Variants in KLHL22 observed in about 807,000 individuals in gnomAD.
KLHL22 encodes kelch like family member 22.
A neutral mutation model predicts 60.7 loss-of-function variants in KLHL22; 18 were observed. The observed-to-expected ratio is 0.30, with a 90% CI of 0.20 to 0.44. The LOEUF is 0.44. Among genes scored for constraint, KLHL22 ranks in the 20% least tolerant of loss-of-function variants. The probability of loss-of-function intolerance (pLI) is 1.00; values close to 1 mark genes in which losing one functional copy is unlikely to be tolerated. For missense variants in KLHL22, 596 were observed against 852.3 expected, an observed-to-expected ratio of 0.70 and a Z score of 3.74; for synonymous variants, 355 against 354.5, an observed-to-expected ratio of 1.00 and a Z score of -0.01.
chr22:20,459,838 C>T (rs1166382277), intron 4 of KLHL22, among the ~76,000 whole-genome samples: 1 of 152,202 alleles, frequency 6.6e-6, no homozygotes, highest in Non-Finnish European at 1.5e-5. Context: ...AGAATGGAAA[C>T]AGGCTAACCA....
At chr22:20,453,656 C>T (rs2053015304) in intron 5 of KLHL22, among the ~76,000 whole-genome samples, 2 of 152,122 alleles carry the variant, frequency 1.3e-5, no homozygotes, top group Non-Finnish European at 2.9e-5. Context: ...ATATACATTT[C>T]AGAATAATCT....
intron 5 of KLHL22, among the ~76,000 whole-genome samples, chr22:20,455,868 C>T (rs989218609): frequency 2.6e-5 from 4 of 152,172 alleles, no homozygotes; most frequent in African/African-American, 7.2e-5. Flanking sequence ...CACCTCTTCC[C>T]GCCCATTTAT....
intron 5 of KLHL22, chr22:20,451,678 A>G: frequency 1.9e-6 from 3 of 1,604,736 alleles, no homozygotes; most frequent in Non-Finnish European, 2.6e-6. Flanking sequence ...GCTTCGGGGG[A>G]GACTCTATGC....
intron 3 of KLHL22, among the ~76,000 whole-genome samples, chr22:20,470,627 CAA>C (rs967718109): frequency 2.0e-5 from 3 of 152,202 alleles, no homozygotes; most frequent in African/African-American, 4.8e-5. Context: ...CCAGCCTGGG[CAA>C]GAGAGAGAGA....
At chr22:20,470,786 AGATGGATG>A (rs361774) in intron 3 of KLHL22, among the ~76,000 whole-genome samples, 64 of 137,762 alleles carry the variant, frequency 4.6e-4, no homozygotes, top group Middle Eastern at 7.5e-3. Flanking sequence ...ATGGATGGAT[AGATGGATG>A]GATGGATGGA....
chr22:20,452,853 T>A (rs2053001482), intron 5 of KLHL22, among the ~76,000 whole-genome samples: 1 of 152,252 alleles, frequency 6.6e-6, no homozygotes. Flanking sequence ...ACTGCCCCAT[T>A]CTTTTAGAAG....
intron 5 of KLHL22, among the ~76,000 whole-genome samples, chr22:20,456,014 G>A (rs1265827675): frequency 1.3e-5 from 2 of 152,120 alleles, no homozygotes; most frequent in Admixed American, 6.5e-5. Context: ...ACTTATCTTC[G>A]TTAATGCATG....
At chr22:20,444,819 C>T (rs974534343) in intron 6 of KLHL22, among the ~76,000 whole-genome samples, 53 of 151,742 alleles carry the variant, frequency 3.5e-4, no homozygotes, top group Admixed American at 3.3e-3. Context: ...AGGTCTCGCT[C>T]TGTTGCCCAG....
intron 2 of KLHL22, 22 bp from the exon 3 acceptor site, chr22:20,471,537 A>G (rs2053326762): frequency 6.2e-7 from 1 of 1,610,180 alleles, no homozygotes. Context: ...AGACACAAGA[A>G]AATGGAGTTA....
At position 20,446,429 on chromosome 22, in the gene KLHL22, C is replaced by T. The variant is rs1004331150; in HGVS notation, c.1539+14G>A. On this transcript the variant is annotated intron_variant, in intron 6 of 6. Coordinates refer to ENST00000328879, the MANE Select transcript of KLHL22 (RefSeq NM_032775.4). Reference sequence around the variant, plus strand: ...GAATGATGACGGGTGTGGACTGCCCCGGGCCCCACTCACCTGGTGCACGTC... The same window carrying T: ...GAATGATGACGGGTGTGGACTGCCCTGGGCCCCACTCACCTGGTGCACGTC... The T allele has an allele frequency of 1.7e-5, 26 of 1,502,306 alleles. No individual in the cohort carries two copies. Among genetic ancestry groups the T allele is most frequent in the Middle Eastern group, 1.7e-4 (1 of 5,900 alleles). 93.1% of individuals were successfully genotyped at this position (1,502,306 alleles called of 1,614,324 possible). A position where few individuals can be genotyped will look rare whatever the true frequency, so the allele number is the denominator to read the frequency against.
In KLHL22 at chr22:20,465,168, C is replaced by T; in HGVS notation, c.802G>A (p.Asp268Asn). ...TACATGAGGGCGCTGGCCACTGTGT[C>T]CCTCAAAGGGCTGGGGTCCAGCTTG... ...HDKLDPSPLR[D>N]TVASALMYHR... is the part of the protein sequence containing the mutation. Residue 268 changes from aspartate (D) to asparagine (N), a missense_variant, in exon 4 of 7, where the codon GAC (aspartate) becomes AAC (asparagine). Transcript: ENST00000328879. This position sits in a 1 kb window ranked among gnomAD's most constrained non-coding sequence, Gnocchi z 4.9. 1 of 1,613,866 alleles carries T rather than the reference C, an allele frequency of 6.2e-7. No individual in the cohort carries two copies. Among genetic ancestry groups the T allele is most frequent in the Non-Finnish European group, 8.5e-7 (1 of 1,180,020 alleles).
rs1410293118 is a variant in KLHL22, at chr22:20,495,104, C to T, written c.-34+656G>A. ...GGAGGCACTCGGCCCCGCGGAGGGC[C>T]GGAGCGAGGGCGCCCAGTGAGGAGC... is the stretch of plus-strand genomic sequence containing the variant. On this transcript the variant is annotated intron_variant, in intron 1 of 6. Coordinates refer to ENST00000328879, the MANE Select transcript of KLHL22 (RefSeq NM_032775.4). The surrounding 1 kb of genome is among the most constrained non-coding windows in gnomAD (Gnocchi z 4.6). 6.6e-6 allele frequency among the ~76,000 whole-genome samples: 1 copy of T among 152,190 alleles called. No individual in the cohort carries two copies. Among genetic ancestry groups the T allele is most frequent in the East Asian group, 1.9e-4 (1 of 5,182 alleles).
intron 3 of KLHL22, among the ~76,000 whole-genome samples, chr22:20,468,895 A>C (rs2053272826): frequency 2.6e-5 from 4 of 152,124 alleles, no homozygotes; most frequent in Admixed American, 2.6e-4. Context: ...GCCTCAAGCA[A>C]TCCTCTCACC....
At chr22:20,492,019 C>T (rs991144203) in intron 1 of KLHL22, 1 of 152,266 alleles carries the variant, frequency 6.6e-6, no homozygotes, top group Non-Finnish European at 1.5e-5. Flanking sequence ...CCTGGAAACT[C>T]TGCTCTATGA....
intron 5 of KLHL22, among the ~76,000 whole-genome samples, chr22:20,448,976 A>G (rs150421831): frequency 6.6e-6 from 1 of 152,162 alleles, no homozygotes; most frequent in East Asian, 1.9e-4. Flanking sequence ...ATCTCCTTAT[A>G]TGCTTATTTG....
intron 2 of KLHL22, among the ~76,000 whole-genome samples, chr22:20,480,827 CT>C (rs760373717): frequency 0.016 from 1,932 of 121,552 alleles, 15 homozygotes; most frequent in Middle Eastern, 0.03. Context: ...TTACGCCAAA[CT>C]TTTTTTTTTT....
chr22:20,447,590 C>T (rs2052892212), intron 5 of KLHL22, among the ~76,000 whole-genome samples: 2 of 149,514 alleles, frequency 1.3e-5, no homozygotes, highest in Admixed American at 6.7e-5. Context: ...GTCACCAGGC[C>T]GGAGTGCAGT....
chr22:20,489,329 C>T, intron 1 of KLHL22, 85 bp from the exon 2 acceptor site: 1 of 974,860 alleles, frequency 1.0e-6, no homozygotes, highest in Non-Finnish European at 1.6e-6. Context: ...TGTTGCTCCC[C>T]TTGCTCCTGT....
intron 3 of KLHL22, among the ~76,000 whole-genome samples, chr22:20,470,536 C>A (rs2053298199): frequency 6.6e-6 from 1 of 151,992 alleles, no homozygotes; most frequent in African/African-American, 2.4e-5. Flanking sequence ...TAGGTCCTAG[C>A]TATTTGGGAG....
Sources: allele counts gnomAD v4.1 joint callset (sites outside exome capture counted in the v4.1 genomes callset), GRCh38; gene constraint gnomAD v4.1.1; non-coding constraint Gnocchi (gnomAD v3.1); transcripts MANE v1.5; gene names NCBI Gene and HGNC (gene_info 2026-07-23, HGNC 2026-07-21).